CHERP: variants seen among roughly 807,000 people sequenced by gnomAD.
CHERP encodes ERPROT 213-21.
In CHERP, 8 loss-of-function variants were observed where a neutral mutation model predicts 113.8. The observed-to-expected ratio is 0.07, with a 90% CI of 0.04 to 0.13. The LOEUF (loss-of-function observed/expected upper bound fraction) is 0.13, where lower values mean the gene tolerates loss of function less well. CHERP is among the 10% of genes least tolerant of loss of function. CHERP has a pLI of 1.00. For synonymous variants in CHERP, 559 were observed against 524.5 expected (o/e 1.07, Z -0.90); for missense variants, 884 against 1,298.2 (o/e 0.68, Z 4.90).
intron 2 of CHERP, among the ~76,000 whole-genome samples, chr19:16,538,526 T>C (rs1159869595): frequency 6.6e-6 from 1 of 152,032 alleles, no homozygotes; most frequent in African/African-American, 2.4e-5. Flanking sequence ...CTACTAAAAA[T>C]ACAAAAATTA....
rs1429095224 is a variant in CHERP at position 16,532,115 on chromosome 19, T to C, written c.674+483A>G. 1.3e-5 allele frequency: 2 copies of C among 155,012 alleles called. No homozygotes were observed. The highest frequency in any genetic ancestry group is 4.8e-5 in the African/African-American group (2 of 41,358). 9.6% of individuals were successfully genotyped at this position (155,012 alleles called of 1,614,324 possible). ...CAGAGGGTCGGCAGATGTGGCTCTG[T>C]TGAAGCCTGAGAGATGGGTCAGGGC... On this transcript the variant is annotated intron_variant, in intron 5 of 16. Transcript: ENST00000546361. This position sits in a 1 kb window ranked among gnomAD's most constrained non-coding sequence, Gnocchi z 4.4.
chr19:16,527,957 G>T, intron 9 of CHERP, 123 bp downstream of exon 9: 2 of 996,716 alleles, frequency 2.0e-6, no homozygotes, highest in Non-Finnish European at 1.5e-6. Context: ...CATAAGCTCT[G>T]CCACAGAATA....
rs1043447 is a variant in CHERP, at chr19:16,532,678, C to G, written c.594G>C (p.Arg198=). ...GTGCCCCATCAGCCGTGATGCGGTTCCGGAGGTGGCCGGCCATCAGCTCAC... is the reference window on the plus strand; with the variant it reads ...GTGCCCCATCAGCCGTGATGCGGTTGCGGAGGTGGCCGGCCATCAGCTCAC... ...PHCELMAGHL[R]NRITADGAHF... is the part of the protein sequence containing the mutation. Residue 198 remains arginine (R), a synonymous_variant, in exon 5 of 17, where the codon CGG becomes CGC. Transcript: ENST00000546361. This position sits in a 1 kb window ranked among gnomAD's most constrained non-coding sequence, Gnocchi z 4.4. 5.0e-6 allele frequency: 8 copies of G among 1,613,520 alleles called. No homozygotes were observed. Among genetic ancestry groups the G allele is most frequent in the Non-Finnish European group, 6.8e-6 (8 of 1,179,936 alleles).
Position 16,530,692 on chromosome 19 carries a change from G to A in CHERP, c.787-18C>T. The A allele has an allele frequency of 6.2e-7, 1 of 1,614,000 alleles. No homozygotes were observed. The highest frequency in any genetic ancestry group is 1.1e-5 in the South Asian group (1 of 91,084). ...TGCAGGAGCTGGCGGTGGGAGGAGA[G>A]AGAGGCCGGGTCAGTGGGGAGGGGA... On this transcript the variant is annotated intron_variant, in intron 6 of 16. Transcript: ENST00000546361. This position sits in a 1 kb window ranked among gnomAD's most constrained non-coding sequence, Gnocchi z 4.1.
At position 16,529,769 on chromosome 19, in the gene CHERP, TTGCTGCTGC is replaced by T. The variant is rs751586190; in HGVS notation, c.999_1007del (p.Gln339_Gln341del). 5.2e-4 allele frequency: 831 copies of T among 1,605,774 alleles called. 4 individuals carry two copies. The African/African-American group carries it at 9.1e-3, about 18-fold the overall frequency. On this transcript the variant is annotated inframe_deletion, in exon 8 of 17. Coordinates refer to ENST00000546361, the MANE Select transcript of CHERP (RefSeq NM_006387.6). ...GCATCTGGAGCTGCTGCTGCTGCTGTTGCTGCTGCTGCTGCTGCTGGGCCAGGCTGGTGA... is the reference window on the plus strand; with the variant it reads ...GCATCTGGAGCTGCTGCTGCTGCTGTTGCTGCTGCTGGGCCAGGCTGGTGA...
intron 8 of CHERP, among the ~76,000 whole-genome samples, 193 bp downstream of exon 8, chr19:16,529,455 G>C (rs2085681288): frequency 6.6e-6 from 1 of 152,164 alleles, no homozygotes; most frequent in African/African-American, 2.4e-5. Context: ...TCAGGAATGG[G>C]ATGGTTGTAG....
Position 16,541,893 on chromosome 19 carries a change from T to A in CHERP, c.176A>T (p.Lys59Met). 6.2e-7 allele frequency: 1 copy of A among 1,613,124 alleles called. No homozygotes were observed. The highest frequency in any genetic ancestry group is 8.5e-7 in the Non-Finnish European group (1 of 1,179,798). The change falls in exon 2 of 17, where the codon AAG becomes ATG. Residue 59 changes from lysine (K) to methionine (M), a missense_variant. Around this residue, in one of 8 missense-constraint regions of CHERP, gnomAD observed 109 missense variants for 134.2 expected, o/e 0.81. Transcript: ENST00000546361. ...GGEFYSYYKC[K>M]LALEQQQLIC... Reference sequence around the variant, plus strand: ...ACGCTGCTGCTGCTCCAGCGCCAGCTTGCACTTGTAGTAACTGTAGAATTC... The same window carrying A: ...ACGCTGCTGCTGCTCCAGCGCCAGCATGCACTTGTAGTAACTGTAGAATTC...
At chr19:16,533,654 G>C (rs553240976) in intron 3 of CHERP, among the ~76,000 whole-genome samples, 2 of 152,092 alleles carry the variant, frequency 1.3e-5, no homozygotes, top group African/African-American at 4.8e-5. Flanking sequence ...CAACTACTTG[G>C]GAGGCTGAGG....
Position 16,535,304 on chromosome 19 carries a change from G to C in CHERP, c.384+148C>G. On this transcript the variant is annotated intron_variant, in intron 3 of 16. Transcript: ENST00000546361. This position sits in a 1 kb window ranked among gnomAD's most constrained non-coding sequence, Gnocchi z 4.3. ...CTCTGTGTCTGGCATCAGGGCTGGG[G>C]GTGACAGTGGCTGACATGCACCGAG... The C allele has an allele frequency of 1.3e-6, 1 of 787,612 alleles. No individual in the cohort carries two copies. Among genetic ancestry groups the C allele is most frequent in the Non-Finnish European group, 2.0e-6 (1 of 491,794 alleles). The allele number at this position is 787,612 out of a possible 1,614,324, so 48.8% of individuals were successfully genotyped here.
intron 8 of CHERP, among the ~76,000 whole-genome samples, chr19:16,528,574 G>A (rs1166667851): frequency 6.6e-6 from 1 of 152,206 alleles, no homozygotes; most frequent in Non-Finnish European, 1.5e-5. Context: ...TAATTAAAAG[G>A]TCATTTCCCC....
Position 16,519,710 on chromosome 19 carries a change from G to A in CHERP, c.2468C>T (p.Ser823Phe). 1 of 1,613,342 alleles carries A rather than the reference G, an allele frequency of 6.2e-7. No individual in the cohort carries two copies. Among genetic ancestry groups the A allele is most frequent in the South Asian group, 1.1e-5 (1 of 91,062 alleles). ...CGCCGAATTAGAACCCAGACCAGCA[G>A]AGGAACTAAAATCGAGACAGGTTAT... ...SRSRSPTPPSSAGLGSNSAPP... is the reference protein window; with the variant it reads ...SRSRSPTPPSFAGLGSNSAPP... Residue 823 changes from serine to phenylalanine, a missense_variant, in exon 16 of 17, where the codon TCT becomes TTT. This residue lies in a region of CHERP where 159 missense variants were observed against 185.8 expected (regional missense o/e 0.86). Transcript: ENST00000546361. The surrounding 1 kb of genome is among the most constrained non-coding windows in gnomAD (Gnocchi z 6.0).
Position 16,525,533 on chromosome 19 carries a change from G to A in CHERP, c.1450C>T (p.Pro484Ser), listed in dbSNP as rs2085651728. The A allele has an allele frequency of 6.5e-7, 1 of 1,547,440 alleles. No individual in the cohort carries two copies. The highest frequency in any genetic ancestry group is 1.9e-5 in the Admixed American group (1 of 51,686). The change falls in exon 10 of 17, where the codon CCC (proline) becomes TCC (serine). Residue 484 changes from proline to serine, a missense_variant. Around this residue, in one of 8 missense-constraint regions of CHERP, gnomAD observed 464 missense variants for 590.1 expected, o/e 0.79. Coordinates refer to ENST00000546361, the MANE Select transcript of CHERP (RefSeq NM_006387.6). The surrounding 1 kb of genome is among the most constrained non-coding windows in gnomAD (Gnocchi z 6.5). Reference protein sequence around the residue: ...GQRDAPWNNQPDAAWNSQFEG... With the variant: ...GQRDAPWNNQSDAAWNSQFEG... ...AACTGGCTGTTCCAGGCGGCGTCGG[G>A]CTGGTTGTTCCAGGGCGCGTCGCGC...
At position 16,532,848 on chromosome 19, in the gene CHERP, AC is replaced by A. The variant is rs1229058629; in HGVS notation, c.523-100del. 6.5e-7 allele frequency: 1 copy of A among 1,545,312 alleles called. No individual in the cohort carries two copies. Among genetic ancestry groups the A allele is most frequent in the Non-Finnish European group, 8.8e-7 (1 of 1,140,780 alleles). On this transcript the variant is annotated intron_variant, in intron 4 of 16. Coordinates refer to ENST00000546361, the MANE Select transcript of CHERP (RefSeq NM_006387.6). This position sits in a 1 kb window ranked among gnomAD's most constrained non-coding sequence, Gnocchi z 4.4. ...CGTCACCATCAGCTCAGGGAAGGAC[AC>A]ACCATGAGCGTGGGGGGCACAGGGT...
Position 16,520,409 on chromosome 19 carries a change from G to A in CHERP, c.2300C>T (p.Ser767Leu). The change falls in exon 14 of 17, where the codon TCA (serine) becomes TTA (leucine). Residue 767 changes from serine (S) to leucine (L), a missense_variant. Coordinates refer to ENST00000546361, the MANE Select transcript of CHERP (RefSeq NM_006387.6). The surrounding 1 kb of genome is among the most constrained non-coding windows in gnomAD (Gnocchi z 4.0). ...SSKSSGSYSR[S>L]RSRSCSRSYS... ...GGAACGGGAGCAGGAGCGCGACCTT[G>A]ACCTTGAGTACGAGCCTGAAGACTT... The A allele has an allele frequency of 6.2e-7, 1 of 1,614,118 alleles. No homozygotes were observed. The highest frequency in any genetic ancestry group is 8.5e-7 in the Non-Finnish European group (1 of 1,180,016).
intron 2 of CHERP, among the ~76,000 whole-genome samples, chr19:16,536,831 C>G (rs1478502896): frequency 6.6e-6 from 1 of 152,148 alleles, no homozygotes; most frequent in Non-Finnish European, 1.5e-5. Context: ...GCCTGGCCAA[C>G]ATGGCCCTGT....
Position 16,519,078 on chromosome 19 carries a change from T to C in CHERP, c.*81A>G, listed in dbSNP as rs2085579631. On this transcript the variant is annotated 3_prime_UTR_variant, in exon 17 of 17. Coordinates refer to ENST00000546361, the MANE Select transcript of CHERP (RefSeq NM_006387.6). This position sits in a 1 kb window ranked among gnomAD's most constrained non-coding sequence, Gnocchi z 6.0. Reference sequence around the variant, plus strand: ...GACGGTGTAAGAACTGAGCTGTCACTGCAATCTTCCTCTGCCAGTCAGCCA... The same window carrying C: ...GACGGTGTAAGAACTGAGCTGTCACCGCAATCTTCCTCTGCCAGTCAGCCA... The C allele has an allele frequency of 7.7e-7, 1 of 1,295,072 alleles. No homozygotes were observed. The highest frequency in any genetic ancestry group is 2.2e-5 in the Admixed American group (1 of 44,700). 80.2% of individuals were successfully genotyped at this position (1,295,072 alleles called of 1,614,324 possible). A position where few individuals can be genotyped will look rare whatever the true frequency, so the allele number is the denominator to read the frequency against.
rs1384430179 is a variant in CHERP at position 16,520,630 on chromosome 19, C to G, written c.2202-123G>C. 1 of 1,257,740 alleles carries G rather than the reference C, an allele frequency of 8.0e-7. No individual in the cohort carries two copies. Among genetic ancestry groups the G allele is most frequent in the Non-Finnish European group, 1.1e-6 (1 of 891,122 alleles). The allele number at this position is 1,257,740 out of a possible 1,614,324, so 77.9% of individuals were successfully genotyped here. Reference sequence around the variant, plus strand: ...TCTGGCTGTGGATGTGGCGCCATAGCCACAGCAACGGTACCAAGTTCCTAA... The same window carrying G: ...TCTGGCTGTGGATGTGGCGCCATAGGCACAGCAACGGTACCAAGTTCCTAA... On this transcript the variant is annotated intron_variant, in intron 13 of 16. Transcript: ENST00000546361. The surrounding 1 kb of genome is among the most constrained non-coding windows in gnomAD (Gnocchi z 4.0).
chr19:16,536,031 G>A (rs1012450990), intron 2 of CHERP, among the ~76,000 whole-genome samples: 46 of 152,240 alleles, frequency 3.0e-4, no homozygotes, highest in African/African-American at 1.0e-3. Flanking sequence ...GACCTCCTCG[G>A]CCACTCCCTG....
rs1272184503 is a variant in CHERP at position 16,525,095 on chromosome 19, G to A, written c.1741+147C>T. ...TGTGCCCCCACTTCCTGAGAACCCA[G>A]GCCGGGCTCCTCGGACGTCCCATGA... is the stretch of plus-strand genomic sequence containing the variant. On this transcript the variant is annotated intron_variant, in intron 10 of 16. Coordinates refer to ENST00000546361, the MANE Select transcript of CHERP (RefSeq NM_006387.6). This position sits in a 1 kb window ranked among gnomAD's most constrained non-coding sequence, Gnocchi z 6.5. The A allele has an allele frequency of 5.3e-6, 4 of 755,024 alleles. No homozygotes were observed. Among genetic ancestry groups the A allele is most frequent in the Non-Finnish European group, 7.4e-6 (4 of 538,354 alleles). 46.8% of individuals were successfully genotyped at this position (755,024 alleles called of 1,614,324 possible).
Sources: gnomAD v4.1 joint callset for allele counts (sites outside exome capture counted in the v4.1 genomes callset) on GRCh38, gnomAD v4.1.1 for gene constraint, gnomAD v4.1.1 regional missense constraint, Gnocchi (gnomAD v3.1) non-coding constraint, MANE v1.5 for transcripts, NCBI Gene and HGNC (gene_info 2026-07-23, HGNC 2026-07-21) for gene names.